Variants in RBFOX1 observed in about 807,000 individuals in gnomAD.
The protein encoded by RBFOX1 is RNA binding protein fox-1 homolog 1.
A neutral mutation model predicts 57.7 loss-of-function variants in RBFOX1; 8 were observed. The observed-to-expected ratio is 0.14, with a 90% CI of 0.08 to 0.25. The LOEUF is 0.25. RBFOX1 is among the 10% of genes least tolerant of loss of function. The pLI, the probability that RBFOX1 is intolerant of heterozygous loss-of-function variation, is 1.00. For synonymous variants in RBFOX1, 326 were observed against 222.4 expected (o/e 1.47, Z -4.15); for missense variants, 611 against 548.5 (o/e 1.11, Z -1.14).
intron 4 of RBFOX1, among the ~76,000 whole-genome samples, chr16:7,204,987 C>T (rs376743365): frequency 2.6e-5 from 4 of 152,138 alleles, no homozygotes; most frequent in Admixed American, 1.3e-4. Flanking sequence ...TTGTGACTTT[C>T]TCTTTATCCT....
chr16:6,758,870 A>G (rs1350778621), intron 3 of RBFOX1, among the ~76,000 whole-genome samples: 1 of 152,158 alleles, frequency 6.6e-6, no homozygotes, highest in Non-Finnish European at 1.5e-5. Context: ...AAGAAACCTC[A>G]TCCTAATAAA....
At chr16:7,088,257 G>C (rs1211103509) in intron 4 of RBFOX1, among the ~76,000 whole-genome samples, 2 of 152,216 alleles carry the variant, frequency 1.3e-5, no homozygotes, top group African/African-American at 2.4e-5. Context: ...ATCACTTGTA[G>C]CTGTGAGGTA....
At chr16:6,673,433 C>G (rs2098780297) in intron 3 of RBFOX1, among the ~76,000 whole-genome samples, 1 of 151,962 alleles carries the variant, frequency 6.6e-6, no homozygotes, top group Non-Finnish European at 1.5e-5. Flanking sequence ...ACTAAAAATA[C>G]AAAAATTAGT....
intron 4 of RBFOX1, among the ~76,000 whole-genome samples, chr16:7,413,338 C>T (rs931386663): frequency 2.0e-5 from 3 of 151,938 alleles, no homozygotes; most frequent in Non-Finnish European, 4.4e-5. Context: ...CTTCCCCAGT[C>T]TTCCTCTGTA....
At chr16:6,968,032 T>G (rs1185519085) in intron 3 of RBFOX1, among the ~76,000 whole-genome samples, 1 of 152,122 alleles carries the variant, frequency 6.6e-6, no homozygotes, top group Non-Finnish European at 1.5e-5. Context: ...GGAAGCCATG[T>G]GGGCTCACAG....
intron 4 of RBFOX1, among the ~76,000 whole-genome samples, chr16:7,312,475 C>T (rs765482698): frequency 4.6e-5 from 7 of 152,174 alleles, no homozygotes; most frequent in Non-Finnish European, 8.8e-5. Context: ...TTCTCGTTTC[C>T]ATTTCTCTCA....
At chr16:6,094,132 C>A (rs2096214167) in intron 1 of RBFOX1, among the ~76,000 whole-genome samples, 5 of 152,128 alleles carry the variant, frequency 3.3e-5, no homozygotes, top group African/African-American at 9.7e-5. Context: ...AAATAGATTT[C>A]CAGTTTTGAC....
intron 1 of RBFOX1, among the ~76,000 whole-genome samples, chr16:6,309,625 A>G (rs949257223): frequency 2.0e-5 from 3 of 151,982 alleles, no homozygotes; most frequent in African/African-American, 7.2e-5. Flanking sequence ...CAAGACAGGA[A>G]ATTAAACACA....
chr16:7,707,483 C>G (rs777599490), intron 14 of RBFOX1, among the ~76,000 whole-genome samples: 1 of 152,146 alleles, frequency 6.6e-6, no homozygotes, highest in African/African-American at 2.4e-5. Flanking sequence ...TACAGACAAA[C>G]CATTTCTTCC....
intron 3 of RBFOX1, among the ~76,000 whole-genome samples, chr16:6,842,275 T>G (rs898761654): frequency 6.6e-6 from 1 of 151,970 alleles, no homozygotes; most frequent in Non-Finnish European, 1.5e-5. Context: ...TATTTTTCTG[T>G]AAGGAAATAA....
intron 4 of RBFOX1, among the ~76,000 whole-genome samples, chr16:5,985,258 G>C (rs545593280): frequency 2.6e-5 from 4 of 151,850 alleles, no homozygotes; most frequent in East Asian, 3.9e-4. Context: ...TCCCAAAGTG[G>C]TGGGATTACA....
chr16:7,065,823 T>C (rs2055868182), intron 4 of RBFOX1, among the ~76,000 whole-genome samples: 1 of 152,188 alleles, frequency 6.6e-6, no homozygotes, highest in Non-Finnish European at 1.5e-5. Context: ...CCTCCAAGCC[T>C]CTGGTAATCA....
At chr16:7,180,124 G>T (rs906572365) in intron 4 of RBFOX1, among the ~76,000 whole-genome samples, 19 of 152,056 alleles carry the variant, frequency 1.2e-4, no homozygotes, top group Admixed American at 7.9e-4. Context: ...GATATCCATG[G>T]TGAATAGTGT....
intron 1 of RBFOX1, among the ~76,000 whole-genome samples, chr16:5,451,066 T>C (rs1463073441): frequency 6.6e-6 from 1 of 152,204 alleles, no homozygotes; most frequent in Non-Finnish European, 1.5e-5. Flanking sequence ...ACTCGAGGAA[T>C]GGCAGATATA....
At chr16:6,459,783 C>G (rs1286035818) in intron 2 of RBFOX1, among the ~76,000 whole-genome samples, 1 of 151,552 alleles carries the variant, frequency 6.6e-6, no homozygotes, top group Non-Finnish European at 1.5e-5. Context: ...TTGAGACCAG[C>G]CTGGCCAACA....
At chr16:6,432,532 A>T (rs1243292978) in intron 2 of RBFOX1, among the ~76,000 whole-genome samples, 1 of 150,606 alleles carries the variant, frequency 6.6e-6, no homozygotes, top group Non-Finnish European at 1.5e-5. Context: ...AAAAAAAAAA[A>T]TGAGCGGGGT....
intron 1 of RBFOX1, among the ~76,000 whole-genome samples, chr16:5,310,845 T>A (rs370991933): frequency 1.4e-4 from 22 of 152,346 alleles, no homozygotes; most frequent in African/African-American, 5.3e-4. Context: ...TTCTTTAAAA[T>A]TTTTAAAAAT....
chr16:7,071,617 GTT>G lies in RBFOX1; in HGVS notation c.27+19521_27+19522del, dbSNP rs1253209355. On this transcript the variant is annotated intron_variant, in intron 4 of 15. Transcript: ENST00000550418. ...TGTGTGTGTGTGTGTGTGTGTGTGT[GTT>G]TGTCTGTATACATAACCTGGGTAAT... Among the ~76,000 whole-genome samples the G allele has an allele frequency of 8.0e-3, 1,103 of 137,792 alleles. 22 individuals are homozygous for G. Among genetic ancestry groups the G allele is most frequent in the African/African-American group, 0.028 (1,041 of 37,632 alleles). 90.4% of individuals were successfully genotyped at this position (137,792 alleles called of 152,430 possible).
At chr16:6,355,919 A>T (rs1251440488) in intron 2 of RBFOX1, among the ~76,000 whole-genome samples, 1 of 152,250 alleles carries the variant, frequency 6.6e-6, no homozygotes, top group Non-Finnish European at 1.5e-5. Context: ...TTCACAAAAC[A>T]AAATGGGTGT....
Sources: allele counts gnomAD v4.1 joint callset (sites outside exome capture counted in the v4.1 genomes callset), GRCh38; gene constraint gnomAD v4.1.1; transcripts MANE v1.5; gene names NCBI Gene and HGNC (gene_info 2026-07-23, HGNC 2026-07-21).